ZNF565: variants seen among roughly 807,000 people sequenced by gnomAD.
ZNF565 encodes the protein zinc finger protein 565.
In ZNF565, 27 loss-of-function variants were observed where a neutral mutation model predicts 39.4. That is an observed-to-expected ratio of 0.69 (90% CI 0.51 to 0.95). ZNF565 has a LOEUF of 0.95. Ranked by LOEUF, ZNF565 falls within the 40% of genes least tolerant of loss-of-function variation. ZNF565 has a pLI of 0.00. For missense variants in ZNF565, 524 were observed against 621.1 expected, an observed-to-expected ratio of 0.84 and a Z score of 1.66; for synonymous variants, 185 against 216.6, an observed-to-expected ratio of 0.85 and a Z score of 1.28.
chr19:36,237,873 AC>A (rs1178099683), intron 1 of ZNF565: 1 of 167,102 alleles, frequency 6.0e-6, no homozygotes, highest in Non-Finnish European at 1.5e-5. Context: ...GGAAAAATAG[AC>A]CATGAACTAT....
intron 1 of ZNF565, among the ~76,000 whole-genome samples, chr19:36,202,262 G>A (rs781253202): frequency 6.6e-6 from 1 of 152,092 alleles, no homozygotes; most frequent in Non-Finnish European, 1.5e-5. Context: ...AGCACCTTGG[G>A]AGGCTGAGGC....
intron 1 of ZNF565, among the ~76,000 whole-genome samples, chr19:36,242,557 C>G (rs187430235): frequency 1.3e-5 from 2 of 152,090 alleles, no homozygotes; most frequent in African/African-American, 4.8e-5. Context: ...TGAAACCCGT[C>G]TCTACTAAGA....
At chr19:36,227,115 G>T (rs1269061647) in intron 1 of ZNF565, among the ~76,000 whole-genome samples, 5 of 151,358 alleles carry the variant, frequency 3.3e-5, no homozygotes, top group Non-Finnish European at 7.4e-5. Context: ...TTGGCTGGGC[G>T]CAGTGGCTCA....
At chr19:36,236,678 T>C (rs1977656649) in intron 1 of ZNF565, 3 of 1,613,986 alleles carry the variant, frequency 1.9e-6, no homozygotes, top group Non-Finnish European at 2.5e-6. Context: ...ATGTGGAAAA[T>C]CATTTAGCCA....
upstream of ZNF565, among the ~76,000 whole-genome samples, chr19:36,216,797 G>A (rs926928096): frequency 9.5e-5 from 14 of 147,642 alleles, no homozygotes; most frequent in African/African-American, 3.5e-4. Context: ...GCGTTGAGGT[G>A]TGGGGAGATG....
intron 2 of ZNF565, among the ~76,000 whole-genome samples, chr19:36,195,980 A>G (rs1358648292): frequency 6.7e-6 from 1 of 148,622 alleles, no homozygotes; most frequent in Admixed American, 6.8e-5. Context: ...TCTGTCACCC[A>G]GGTTGGAGTG....
chr19:36,224,113 G>A (rs1976975074), intron 1 of ZNF565, among the ~76,000 whole-genome samples: 1 of 152,172 alleles, frequency 6.6e-6, no homozygotes. Flanking sequence ...TGGGCACGGT[G>A]GCTCACGCCT....
At chr19:36,227,631 G>A (rs1450006291) in intron 1 of ZNF565, among the ~76,000 whole-genome samples, 1 of 151,988 alleles carries the variant, frequency 6.6e-6, no homozygotes, top group African/African-American at 2.4e-5. Context: ...CACTCTGTCA[G>A]GCCATCTTGA....
chr19:36,216,670 T>C (rs2145386879), upstream of ZNF565, among the ~76,000 whole-genome samples: 1 of 151,752 alleles, frequency 6.6e-6, no homozygotes, highest in Admixed American at 6.6e-5. Context: ...ATAGTAATAA[T>C]GTGATCCTAA....
At chr19:36,205,367 A>T (rs1188480764) in intron 1 of ZNF565, among the ~76,000 whole-genome samples, 2 of 152,076 alleles carry the variant, frequency 1.3e-5, no homozygotes, top group Admixed American at 1.3e-4. Context: ...ATCTCTACTA[A>T]AAATACAAAA....
rs559336952 is a variant in ZNF565 at position 36,244,648 on chromosome 19, C to T, written c.55+828G>A. Among the ~76,000 whole-genome samples the T allele has an allele frequency of 2.0e-5, 3 of 152,110 alleles. No homozygotes were observed. In the East Asian group the frequency reaches 5.8e-4, roughly 29 times the overall value. The stretch of plus-strand genomic sequence containing the variant: ...CCGGTGGATCACGAGGCCAAGAGAT[C>T]GAGACCATCCTGGCAAACATGGTGA... On this transcript the variant is annotated intron_variant, in intron 1 of 4. Coordinates refer to the ZNF565 transcript ENST00000355114.
rs1975705930 is a variant in ZNF565, at chr19:36,195,023, T to A, written c.136+7A>T. ...TCCGTCTGGCCCGTGTGATACAATC[T>A]CCTTACCTAGTGAGGCCAAGTGACC... On this transcript the variant is annotated splice_region_variant and intron_variant, in intron 3 of 4. Transcript: ENST00000304116. The A allele has an allele frequency of 6.2e-7, 1 of 1,614,008 alleles. No homozygotes were observed. Among genetic ancestry groups the A allele is most frequent in the Admixed American group, 1.7e-5 (1 of 59,962 alleles).
At chr19:36,241,647 C>T (rs991692552) in intron 1 of ZNF565, among the ~76,000 whole-genome samples, 1 of 151,568 alleles carries the variant, frequency 6.6e-6, no homozygotes, top group African/African-American at 2.4e-5. Context: ...AAAAAATTAG[C>T]TGGGCGTGGT....
chr19:36,220,772 C>G (rs766750035), intron 1 of ZNF565, among the ~76,000 whole-genome samples: 1 of 151,884 alleles, frequency 6.6e-6, no homozygotes, highest in Non-Finnish European at 1.5e-5. Flanking sequence ...AATGCTGATA[C>G]TAGTAGTAAC....
chr19:36,197,144 C>T (rs71354126), intron 2 of ZNF565, among the ~76,000 whole-genome samples: 6,861 of 151,854 alleles, frequency 0.045, 225 homozygotes, highest in Non-Finnish European at 0.065. Context: ...TGGTAGTGCA[C>T]ACCTGTAATC....
chr19:36,193,842 G>C (rs1975662265), intron 4 of ZNF565, among the ~76,000 whole-genome samples: 1 of 152,008 alleles, frequency 6.6e-6, no homozygotes, highest in Non-Finnish European at 1.5e-5. Flanking sequence ...TCCCAAAGTG[G>C]GAGGATCGCT....
chr19:36,225,330 A>T (rs1173719462), intron 1 of ZNF565, among the ~76,000 whole-genome samples: 1 of 152,138 alleles, frequency 6.6e-6, no homozygotes, highest in African/African-American at 2.4e-5. Context: ...CAAAAATAAG[A>T]TGTCTATTCC....
chr19:36,213,558 G>A (rs1024693955), intron 1 of ZNF565, among the ~76,000 whole-genome samples: 2 of 152,016 alleles, frequency 1.3e-5, no homozygotes, highest in Non-Finnish European at 2.9e-5. Context: ...GCTAATTTTT[G>A]TATTTTTAGT....
At chr19:36,191,976 T>C (rs377568246) in intron 4 of ZNF565, among the ~76,000 whole-genome samples, 1 of 151,834 alleles carries the variant, frequency 6.6e-6, no homozygotes, top group Non-Finnish European at 1.5e-5. Flanking sequence ...GGCCCTATCT[T>C]ACCAAGTGAT....
Sources: allele counts gnomAD v4.1 joint callset (sites outside exome capture counted in the v4.1 genomes callset), GRCh38; gene constraint gnomAD v4.1.1; transcripts MANE v1.5; gene names NCBI Gene and HGNC (gene_info 2026-07-23, HGNC 2026-07-21).